The following SMAD3 variants were observed in gnomAD, a reference collection of about 807,000 sequenced individuals.
SMAD3 encodes the protein SMAD family member 3.
In SMAD3, 12 loss-of-function variants were observed where a neutral mutation model predicts 51.8. That is an observed-to-expected ratio of 0.23 (90% CI 0.15 to 0.38). The LOEUF (loss-of-function observed/expected upper bound fraction) is 0.38. Ranked by LOEUF, SMAD3 falls within the 10% of genes least tolerant of loss-of-function variation. The pLI, the probability that SMAD3 is intolerant of heterozygous loss-of-function variation, is 1.00. For missense variants in SMAD3, 294 were observed against 565.6 expected, an observed-to-expected ratio of 0.52 and a Z score of 4.87; for synonymous variants, 238 against 227.7, an observed-to-expected ratio of 1.05 and a Z score of -0.41.
intron 1 of SMAD3, among the ~76,000 whole-genome samples, chr15:67,075,185 G>T (rs1435773064): frequency 6.6e-6 from 1 of 152,186 alleles, no homozygotes; most frequent in African/African-American, 2.4e-5. Context: ...AATCCAGAAA[G>T]GACTTTTTGA....
chr15:67,093,820 C>T (rs1019010472), intron 1 of SMAD3, among the ~76,000 whole-genome samples: 5 of 152,222 alleles, frequency 3.3e-5, no homozygotes, highest in Non-Finnish European at 7.3e-5. Context: ...TCTGGCAGCA[C>T]CTAAAAGAAG....
intron 6 of SMAD3, among the ~76,000 whole-genome samples, chr15:67,183,609 C>T (rs890034905): frequency 5.3e-5 from 8 of 152,082 alleles, no homozygotes; most frequent in African/African-American, 1.2e-4. Flanking sequence ...TTCATCCTAC[C>T]GGATGCTGGG....
At chr15:67,151,843 T>C (rs551545367) in intron 1 of SMAD3, among the ~76,000 whole-genome samples, 1 of 152,250 alleles carries the variant, frequency 6.6e-6, no homozygotes, top group East Asian at 1.9e-4. Flanking sequence ...ATATCCTCCT[T>C]CTATTTGAAA....
At chr15:67,069,971 T>C (rs530839482) in intron 1 of SMAD3, among the ~76,000 whole-genome samples, 139 of 152,342 alleles carry the variant, frequency 9.1e-4, no homozygotes, top group African/African-American at 3.3e-3. Flanking sequence ...GCCAAAGTGC[T>C]GGGATTACAG....
chr15:67,101,025 C>T (rs993478820), intron 1 of SMAD3, among the ~76,000 whole-genome samples: 2 of 152,192 alleles, frequency 1.3e-5, no homozygotes. Context: ...AGGAAACTGT[C>T]TGTCTCACCC....
In SMAD3 at chr15:67,187,337, C is replaced by T. The variant is rs199888776; in HGVS notation, c.1010-28C>T. 5.3e-5 allele frequency: 85 copies of T among 1,614,130 alleles called. No individual in the cohort carries two copies. In the African/African-American group the frequency reaches 1.1e-3, roughly 20 times the overall value. On this transcript the variant is annotated intron_variant, in intron 7 of 8. Transcript: ENST00000327367. ...CAACGGACCTGGCCACTTCCATCCC[C>T]ACAGCCCTGTTTCTGTGTTTTTGGC...
At chr15:67,092,357 G>A (rs752379270) in intron 1 of SMAD3, among the ~76,000 whole-genome samples, 7 of 152,162 alleles carry the variant, frequency 4.6e-5, no homozygotes, top group Non-Finnish European at 8.8e-5. Flanking sequence ...TAGATGAACC[G>A]CATTTAACCA....
chr15:67,141,136 A>G (rs1961809462), intron 1 of SMAD3, among the ~76,000 whole-genome samples: 2 of 152,210 alleles, frequency 1.3e-5, no homozygotes, highest in Admixed American at 6.5e-5. Flanking sequence ...CAATTCCGGC[A>G]ACGGGAAGTT....
intron 1 of SMAD3, among the ~76,000 whole-genome samples, chr15:67,076,028 A>G (rs1168107272): frequency 1.3e-5 from 2 of 152,160 alleles, no homozygotes; most frequent in Non-Finnish European, 2.9e-5. Context: ...TCCAAGGGGA[A>G]ATTTGGCAGA....
intron 1 of SMAD3, among the ~76,000 whole-genome samples, chr15:67,146,661 C>T (rs1961982532): frequency 6.6e-6 from 1 of 152,174 alleles, no homozygotes; most frequent in Non-Finnish European, 1.5e-5. Context: ...GAGGACATCT[C>T]CATTTAAGTA....
intron 1 of SMAD3, among the ~76,000 whole-genome samples, chr15:67,145,842 C>T (rs555134963): frequency 6.6e-6 from 1 of 152,316 alleles, no homozygotes; most frequent in Admixed American, 6.5e-5. Context: ...CCGTGTCTCC[C>T]TGCAAGGCGG....
In SMAD3 at chr15:67,114,228, C is replaced by T. The variant is rs545418665; in HGVS notation, c.206+47868C>T. Among the ~76,000 whole-genome samples the T allele has an allele frequency of 2.4e-4, 37 of 152,310 alleles. 1 individual carries two copies. The highest frequency in any genetic ancestry group is 8.4e-4 in the African/African-American group (35 of 41,564). On this transcript the variant is annotated intron_variant, in intron 1 of 8. Transcript: ENST00000327367. ...CTCAGCGCTGGAGGGTCCTCTCTCT[C>T]GCCCACTCCCTCTGACATGCCTCTG...
At chr15:67,160,762 C>T (rs897711494) in intron 1 of SMAD3, among the ~76,000 whole-genome samples, 2 of 98,732 alleles carry the variant, frequency 2.0e-5, no homozygotes, top group African/African-American at 8.5e-5. Context: ...CAGAGCGAGA[C>T]TCCATCTCAA....
intron 1 of SMAD3, among the ~76,000 whole-genome samples, chr15:67,163,871 G>A (rs1328570611): frequency 4.7e-5 from 7 of 149,674 alleles, no homozygotes; most frequent in East Asian, 2.0e-4. Context: ...CCTGGGAGGC[G>A]GAGGTTGCAG....
rs1003251694 is a variant in SMAD3, at chr15:67,128,389, G to A, written c.207-36506G>A. ...TCCTGACCACTTAGTAACCTTGGCC[G>A]AGTCCCTCAACCTTTTTGCCTCAGC... On this transcript the variant is annotated intron_variant, in intron 1 of 8. Transcript: ENST00000327367. Among the ~76,000 whole-genome samples, 40 of 152,274 alleles carry A rather than the reference G, an allele frequency of 2.6e-4. 1 individual carries two copies. Among genetic ancestry groups the A allele is most frequent in the African/African-American group, 8.4e-4 (35 of 41,546 alleles).
chr15:67,181,135 C>G lies in SMAD3; in HGVS notation c.659-106C>G, dbSNP rs530388476. 1.5e-4 allele frequency: 125 copies of G among 856,568 alleles called. 1 individual carries two copies. The African/African-American group carries it at 1.9e-3, about 13-fold the overall frequency. 53.1% of individuals were successfully genotyped at this position (856,568 alleles called of 1,614,324 possible). On this transcript the variant is annotated intron_variant, in intron 5 of 8. Transcript: ENST00000327367. ...GCATGGGGTAGGGAGATTATAATCC[C>G]TCTGAAATGCGGGGAAATGGTTTTC...
chr15:67,167,888 A>G (rs1225014039), intron 4 of SMAD3, among the ~76,000 whole-genome samples: 3 of 152,196 alleles, frequency 2.0e-5, no homozygotes, highest in Non-Finnish European at 1.5e-5. Context: ...TGCCTCGTAC[A>G]CACAGAGCCG....
intron 1 of SMAD3, among the ~76,000 whole-genome samples, chr15:67,115,611 G>A (rs1273211656): frequency 6.6e-6 from 1 of 151,198 alleles, no homozygotes; most frequent in African/African-American, 2.5e-5. Flanking sequence ...CATGCCCTCT[G>A]GGCCGTGATT....
chr15:67,191,067 GAC>G lies in SMAD3; in HGVS notation c.*532_*533del, dbSNP rs1963352806. The G allele has an allele frequency of 7.6e-6, 1 of 131,868 alleles. No homozygotes were observed. Among genetic ancestry groups the G allele is most frequent in the Non-Finnish European group, 1.5e-5 (1 of 65,570 alleles). 8.2% of individuals were successfully genotyped at this position (131,868 alleles called of 1,614,324 possible). ...CCCGCCCCGCCCCACCACTCCAGCA[GAC>G]CTTGCCCCTTGTGAGCTGGATAGAC... is the stretch of plus-strand genomic sequence containing the variant. On this transcript the variant is annotated 3_prime_UTR_variant, in exon 9 of 9. Transcript: ENST00000327367.
Sources: allele counts gnomAD v4.1 joint callset (sites outside exome capture counted in the v4.1 genomes callset), GRCh38; gene constraint gnomAD v4.1.1; transcripts MANE v1.5; gene names NCBI Gene and HGNC (gene_info 2026-07-23, HGNC 2026-07-21).